Variants in PARD3 observed in about 807,000 individuals in gnomAD.
PARD3 encodes the protein par-3 family cell polarity regulator, also known as partitioning defective 3 homolog.
In PARD3, 75 loss-of-function variants were observed where a neutral mutation model predicts 155.4. The ratio of observed to expected loss-of-function variants is 0.48; its 90% CI spans 0.40 to 0.58. PARD3 has a LOEUF of 0.58. Among genes scored for constraint, PARD3 ranks in the 20% least tolerant of loss-of-function variants. The pLI, the probability that PARD3 is intolerant of heterozygous loss-of-function variation, is 0.00. For synonymous variants in PARD3, 576 were observed against 610.5 expected (o/e 0.94, Z 0.83); for missense variants, 1,642 against 1,721.7 (o/e 0.95, Z 0.82).
intron 2 of PARD3, among the ~76,000 whole-genome samples, chr10:34,646,211 A>G (rs1189246923): frequency 6.6e-6 from 1 of 152,236 alleles, no homozygotes; most frequent in Non-Finnish European, 1.5e-5. Flanking sequence ...TAGATGAATG[A>G]CTACAATTAG....
At chr10:34,412,272 T>A (rs1169341220) in intron 5 of PARD3, among the ~76,000 whole-genome samples, 1 of 152,150 alleles carries the variant, frequency 6.6e-6, no homozygotes, top group Non-Finnish European at 1.5e-5. Flanking sequence ...AAACTAGCCA[T>A]TAATCCCGTA....
chr10:34,287,946 C>G (rs180803024), intron 20 of PARD3, among the ~76,000 whole-genome samples: 1 of 152,172 alleles, frequency 6.6e-6, no homozygotes, highest in Admixed American at 6.5e-5. Flanking sequence ...TGCAGTGGCT[C>G]ATGCCTGCAA....
chr10:34,143,666 A>G (rs1948317388), intron 22 of PARD3, among the ~76,000 whole-genome samples: 1 of 152,190 alleles, frequency 6.6e-6, no homozygotes, highest in Non-Finnish European at 1.5e-5. Context: ...TCATGGCTAA[A>G]TTCTACAGAC....
chr10:34,526,758 C>T (rs1343041723), intron 2 of PARD3, among the ~76,000 whole-genome samples: 2 of 152,164 alleles, frequency 1.3e-5, no homozygotes, highest in East Asian at 3.9e-4. Flanking sequence ...GTAGGAGTCC[C>T]ACTTAAGCTA....
At chr10:34,230,347 C>T (rs928706907) in intron 22 of PARD3, among the ~76,000 whole-genome samples, 1 of 152,124 alleles carries the variant, frequency 6.6e-6, no homozygotes, top group South Asian at 2.1e-4. Context: ...TCATCCCCTT[C>T]TACCTCTACT....
chr10:34,691,204 T>C (rs2094054042), intron 2 of PARD3, among the ~76,000 whole-genome samples: 1 of 152,172 alleles, frequency 6.6e-6, no homozygotes, highest in African/African-American at 2.4e-5. Flanking sequence ...CCACAGTCTC[T>C]GCCCAAAAGC....
chr10:34,429,558 T>A (rs77132812), intron 5 of PARD3, among the ~76,000 whole-genome samples: 1,629 of 29,880 alleles, frequency 0.055, 32 homozygotes, highest in African/African-American at 0.21. Context: ...AACTCAGTTT[T>A]GTTTTGTTTT....
At chr10:34,134,595 T>G (rs1947794898) in intron 22 of PARD3, among the ~76,000 whole-genome samples, 1 of 152,244 alleles carries the variant, frequency 6.6e-6, no homozygotes, top group Admixed American at 6.5e-5. Context: ...CTCCTGCCCT[T>G]GTTTCCAAAT....
intron 14 of PARD3, among the ~76,000 whole-genome samples, chr10:34,355,593 C>T (rs1259331272): frequency 1.3e-5 from 2 of 151,950 alleles, no homozygotes; most frequent in South Asian, 2.1e-4. Flanking sequence ...TTTCAGGCAG[C>T]AAGGGAGTGG....
chr10:34,435,249 T>C (rs1046570032), intron 5 of PARD3, among the ~76,000 whole-genome samples: 5 of 152,206 alleles, frequency 3.3e-5, no homozygotes, highest in African/African-American at 7.2e-5. Flanking sequence ...TAATTGCAGA[T>C]GGCAACACTT....
At chr10:34,208,538 T>A (rs954507414) in intron 22 of PARD3, among the ~76,000 whole-genome samples, 1 of 152,198 alleles carries the variant, frequency 6.6e-6, no homozygotes, top group Non-Finnish European at 1.5e-5. Flanking sequence ...AGATCACACC[T>A]CATGGCACAG....
At chr10:34,761,804 G>A (rs1384822378) in intron 1 of PARD3, among the ~76,000 whole-genome samples, 2 of 152,104 alleles carry the variant, frequency 1.3e-5, no homozygotes, top group African/African-American at 4.8e-5. Context: ...AGAAAACGAT[G>A]AGTCCTAAAG....
intron 20 of PARD3, among the ~76,000 whole-genome samples, chr10:34,298,518 C>T (rs1957012607): frequency 6.6e-6 from 1 of 152,174 alleles, no homozygotes; most frequent in Non-Finnish European, 1.5e-5. Context: ...ACCGATTCGG[C>T]TTATATGAGG....
intron 21 of PARD3, among the ~76,000 whole-genome samples, chr10:34,278,525 T>C (rs774299319): frequency 5.3e-5 from 8 of 152,164 alleles, no homozygotes; most frequent in African/African-American, 9.6e-5. Context: ...GTGGAGATAA[T>C]TGAATCATGG....
chr10:34,260,514 T>C (rs1281925050), intron 22 of PARD3, among the ~76,000 whole-genome samples: 2 of 152,186 alleles, frequency 1.3e-5, no homozygotes, highest in Non-Finnish European at 2.9e-5. Context: ...GCTAGAGGTC[T>C]GGAGCTGAGT....
At chr10:34,506,974 A>C (rs1052316848) in intron 3 of PARD3, among the ~76,000 whole-genome samples, 1 of 152,156 alleles carries the variant, frequency 6.6e-6, no homozygotes, top group Non-Finnish European at 1.5e-5. Context: ...CAAATTGCTC[A>C]TTAGGTTTGG....
intron 4 of PARD3, 32 bp from the exon 5 acceptor site, chr10:34,450,480 A>G: frequency 1.3e-6 from 2 of 1,592,578 alleles, no homozygotes; most frequent in Non-Finnish European, 1.7e-6. Flanking sequence ...GGTGTCTTGT[A>G]AAAAACCAGA....
chr10:34,462,057 C>T (rs546734632), intron 4 of PARD3, among the ~76,000 whole-genome samples: 16 of 152,086 alleles, frequency 1.1e-4, no homozygotes, highest in Admixed American at 3.9e-4. Context: ...ACTGAAAGTT[C>T]GAAAATGTGC....
chr10:34,171,996 C>T (rs1468261100), intron 22 of PARD3, among the ~76,000 whole-genome samples: 1 of 143,530 alleles, frequency 7.0e-6, no homozygotes, highest in Non-Finnish European at 1.5e-5. Flanking sequence ...TCAGAGTCCT[C>T]AACCCAACCC....
Sources: allele counts gnomAD v4.1 joint callset (sites outside exome capture counted in the v4.1 genomes callset), GRCh38; gene constraint gnomAD v4.1.1; transcripts MANE v1.5; gene names NCBI Gene and HGNC (gene_info 2026-07-23, HGNC 2026-07-21).